The following ECPAS variants were observed in gnomAD, a reference collection of about 807,000 sequenced individuals.
ECPAS encodes the protein proteasome adapter and scaffold protein ECM29.
A neutral mutation model predicts 255.1 loss-of-function variants in ECPAS; 70 were observed. The ratio of observed to expected loss-of-function variants is 0.27; its 90% CI spans 0.23 to 0.33. ECPAS has a LOEUF of 0.33. Ranked by LOEUF, ECPAS falls within the 10% of genes least tolerant of loss-of-function variation. ECPAS has a pLI of 1.00. For synonymous variants in ECPAS, 784 were observed against 775.0 expected, an observed-to-expected ratio of 1.01 and a Z score of -0.19; for missense variants, 1,817 against 2,206.4, an observed-to-expected ratio of 0.82 and a Z score of 3.54.
At chr9:111,417,367 G>C (rs2098205410) in intron 17 of ECPAS, among the ~76,000 whole-genome samples, 1 of 152,192 alleles carries the variant, frequency 6.6e-6, no homozygotes, top group South Asian at 2.1e-4. Context: ...TCAAGTTTAG[G>C]CAAAACAGAT....
Position 111,443,536 on chromosome 9 carries a change from G to A in ECPAS, c.270+842C>T, listed in dbSNP as rs532382914. On this transcript the variant is annotated intron_variant, in intron 4 of 49. Transcript: ENST00000684092. ...AGTGCTGGGATTACAGGTATGAGCC[G>A]ACGTGCCTGGCCTCTGAAGAATTCT... Among the ~76,000 whole-genome samples, 9 of 152,268 alleles carry A rather than the reference G, an allele frequency of 5.9e-5. No individual in the cohort carries two copies. In the East Asian group the frequency reaches 1.5e-3, roughly 26 times the overall value.
rs1282400347 is a variant in ECPAS, at chr9:111,480,287, C to CTTT, written c.-83+3826_-83+3828dup. On this transcript the variant is annotated intron_variant, in intron 1 of 49. Coordinates refer to ENST00000684092, the MANE Select transcript of ECPAS (RefSeq NM_001364929.1). ...TTTTTAGTGGAATTCTTAAAAGCAC[C>CTTT]TTTTCTTTTTTTTTTTTTTTTTTTT... Among the ~76,000 whole-genome samples the CTTT allele has an allele frequency of 2.4e-3, 277 of 113,548 alleles. 4 individuals carry two copies. The highest frequency in any genetic ancestry group is 8.7e-3 in the African/African-American group (254 of 29,298). 74.5% of individuals were successfully genotyped at this position (113,548 alleles called of 152,430 possible).
chr9:111,401,662 A>G (rs2098176253), intron 24 of ECPAS, among the ~76,000 whole-genome samples: 1 of 152,188 alleles, frequency 6.6e-6, no homozygotes. Context: ...TCAACCACAT[A>G]AGACAGACGC....
chr9:111,425,573 T>C, intron 11 of ECPAS, 77 bp from the exon 12 acceptor site: 1 of 1,144,748 alleles, frequency 8.7e-7, no homozygotes, highest in Non-Finnish European at 1.2e-6. Context: ...TTACATAAAA[T>C]AATGAGAGAC....
intron 6 of ECPAS, among the ~76,000 whole-genome samples, chr9:111,437,892 A>T (rs1001096635): frequency 6.6e-5 from 10 of 152,210 alleles, no homozygotes; most frequent in African/African-American, 2.4e-4. Context: ...CAAATCTCTT[A>T]AAACTAAAGA....
intron 32 of ECPAS, 33 bp from the exon 33 acceptor site, chr9:111,385,475 G>A: frequency 2.6e-6 from 3 of 1,172,996 alleles, no homozygotes; most frequent in Admixed American, 2.2e-5. Context: ...AATATATGAT[G>A]AAAAAGGTCA....
At chr9:111,442,537 G>T in intron 4 of ECPAS, 113 bp from the exon 5 acceptor site, 1 of 700,960 alleles carries the variant, frequency 1.4e-6, no homozygotes, top group Admixed American at 2.7e-5. Flanking sequence ...CATTGTAAAC[G>T]TGACTCATCC....
At chr9:111,457,509 G>C (rs2098268385) in intron 2 of ECPAS, among the ~76,000 whole-genome samples, 1 of 152,150 alleles carries the variant, frequency 6.6e-6, no homozygotes, top group Non-Finnish European at 1.5e-5. Flanking sequence ...GAGGGAAACA[G>C]GAAGACTGCT....
At chr9:111,377,948 C>T (rs954769870) in intron 36 of ECPAS, among the ~76,000 whole-genome samples, 1 of 152,086 alleles carries the variant, frequency 6.6e-6, no homozygotes, top group Admixed American at 6.5e-5. Context: ...AGATCAAGAC[C>T]ATCCTGGCTA....
At position 111,372,310 on chromosome 9, in the gene ECPAS, G is replaced by A; in HGVS notation, c.4528+119C>T. 3 of 907,756 alleles carry A rather than the reference G, an allele frequency of 3.3e-6. No individual in the cohort carries two copies. In the South Asian group the frequency reaches 4.8e-5, roughly 15 times the overall value. The allele number at this position is 907,756 out of a possible 1,614,324, so 56.2% of individuals were successfully genotyped here. ...ATTTGGATGGGTTTAAAACTAAATGGGATGCATATTAAGGTCCTGGGAAAG... is the reference window on the plus strand; with the variant it reads ...ATTTGGATGGGTTTAAAACTAAATGAGATGCATATTAAGGTCCTGGGAAAG... On this transcript the variant is annotated intron_variant, in intron 42 of 49. Coordinates refer to ENST00000684092, the MANE Select transcript of ECPAS (RefSeq NM_001364929.1).
intron 24 of ECPAS, among the ~76,000 whole-genome samples, chr9:111,407,550 T>C (rs1474457862): frequency 6.6e-6 from 1 of 151,388 alleles, no homozygotes; most frequent in Non-Finnish European, 1.5e-5. Context: ...CCAGGAGACG[T>C]AGATTGTCTA....
chr9:111,459,090 C>T (rs1325094221), intron 2 of ECPAS, among the ~76,000 whole-genome samples: 2 of 151,938 alleles, frequency 1.3e-5, no homozygotes, highest in African/African-American at 4.8e-5. Flanking sequence ...AGGGCTATGC[C>T]CTTAACTGGT....
At chr9:111,380,675 C>T (rs2098139483) in intron 35 of ECPAS, among the ~76,000 whole-genome samples, 1 of 152,206 alleles carries the variant, frequency 6.6e-6, no homozygotes, top group Non-Finnish European at 1.5e-5. Context: ...ATTTCATCTC[C>T]ATTGAAAATC....
rs1468457251 is a variant in ECPAS, at chr9:111,480,289, TTTC to T, written c.-83+3824_-83+3826del. On this transcript the variant is annotated intron_variant, in intron 1 of 49. Transcript: ENST00000684092. ...TTTAGTGGAATTCTTAAAAGCACCT[TTTC>T]TTTTTTTTTTTTTTTTTTTTTTTGA... is the stretch of plus-strand genomic sequence containing the variant. 3.8e-4 allele frequency among the ~76,000 whole-genome samples: 53 copies of T among 139,080 alleles called. 3 individuals are homozygous for T. In the East Asian group the frequency reaches 7.6e-3, roughly 20 times the overall value. The allele number at this position is 139,080 out of a possible 152,430, so 91.2% of individuals were successfully genotyped here.
chr9:111,419,609 A>G (rs2098210024), intron 16 of ECPAS, among the ~76,000 whole-genome samples: 1 of 151,738 alleles, frequency 6.6e-6, no homozygotes, highest in South Asian at 2.1e-4. Flanking sequence ...ATGATACTCC[A>G]TATTTAATAA....
intron 2 of ECPAS, among the ~76,000 whole-genome samples, chr9:111,454,224 T>C (rs1048213571): frequency 1.4e-5 from 2 of 142,534 alleles, no homozygotes; most frequent in Non-Finnish European, 3.0e-5. Flanking sequence ...AGAAGTGTTC[T>C]GTGGACAAAG....
At position 111,368,935 on chromosome 9, in the gene ECPAS, C is replaced by T. The variant is rs939572459; in HGVS notation, c.5113+100G>A. On this transcript the variant is annotated intron_variant, in intron 46 of 49. Coordinates refer to ENST00000684092, the MANE Select transcript of ECPAS (RefSeq NM_001364929.1). ...ATTCTCATTATTAATCAATCAGGCT[C>T]GATAAGAAACAATAACTATAATTTG... 20 of 1,178,524 alleles carry T rather than the reference C, an allele frequency of 1.7e-5. No individual in the cohort carries two copies. The Admixed American group carries it at 3.2e-4, about 19-fold the overall frequency. 73.0% of individuals were successfully genotyped at this position (1,178,524 alleles called of 1,614,324 possible).
chr9:111,452,723 G>T (rs564837230), intron 2 of ECPAS, among the ~76,000 whole-genome samples: 59 of 152,252 alleles, frequency 3.9e-4, no homozygotes, highest in African/African-American at 1.3e-3. Context: ...ATAGATACAT[G>T]GATAGACAGA....
At position 111,388,783 on chromosome 9, in the gene ECPAS, G is replaced by C. The variant is rs1343899586; in HGVS notation, c.3447+773C>G. On this transcript the variant is annotated intron_variant, in intron 31 of 49. Coordinates refer to ENST00000684092, the MANE Select transcript of ECPAS (RefSeq NM_001364929.1). ...CAGAATTTGCTACTAGATTCAATTG[G>C]GGGTGGTGGTGAGACACAGATCAAA... 2.0e-5 allele frequency among the ~76,000 whole-genome samples: 3 copies of C among 152,094 alleles called. No individual in the cohort carries two copies. In the South Asian group the frequency reaches 6.2e-4, roughly 32 times the overall value.
Sources: allele counts gnomAD v4.1 joint callset (sites outside exome capture counted in the v4.1 genomes callset), GRCh38; gene constraint gnomAD v4.1.1; transcripts MANE v1.5; gene names NCBI Gene and HGNC (gene_info 2026-07-23, HGNC 2026-07-21).